The following PTPN13 variants were observed in gnomAD, a reference collection of about 807,000 sequenced individuals.
PTPN13 encodes protein tyrosine phosphatase non-receptor type 13.
PTPN13 carries 191 observed loss-of-function variants against 284.0 expected under a neutral mutation model. That is an observed-to-expected ratio of 0.67 (90% CI 0.60 to 0.76). PTPN13 has a LOEUF of 0.76. Among genes scored for constraint, PTPN13 ranks in the 30% least tolerant of loss-of-function variants. PTPN13 has a pLI of 0.00. For synonymous variants in PTPN13, 986 were observed against 1,022.3 expected (o/e 0.96, Z 0.68); for missense variants, 2,797 against 2,939.9 (o/e 0.95, Z 1.12).
At chr4:86,673,135 C>G (rs1392754920) in intron 3 of PTPN13, among the ~76,000 whole-genome samples, 12 of 152,190 alleles carry the variant, frequency 7.9e-5, no homozygotes, top group Admixed American at 5.9e-4. Context: ...CTACTGCTCA[C>G]TTCCTGCTGT....
At chr4:86,606,524 A>G (rs1764753846) in intron 1 of PTPN13, among the ~76,000 whole-genome samples, 1 of 151,890 alleles carries the variant, frequency 6.6e-6, no homozygotes, top group Non-Finnish European at 1.5e-5. Flanking sequence ...AATGAATGAA[A>G]TAATGAAAAT....
intron 3 of PTPN13, among the ~76,000 whole-genome samples, chr4:86,684,993 C>A (rs1191115453): frequency 6.6e-6 from 1 of 152,174 alleles, no homozygotes; most frequent in Non-Finnish European, 1.5e-5. Context: ...TTCCCATATG[C>A]TCTGCCATCT....
In PTPN13 at chr4:86,775,152, C is replaced by T. The variant is rs1196033203; in HGVS notation, c.5509-19C>T. On this transcript the variant is annotated intron_variant, in intron 33 of 47. Transcript: ENST00000411767. ...TCTAAAAATTGTGATCTTCACATGC[C>T]CCTTTCTTGTTTTTGTAGGTTAATG... 3.9e-6 allele frequency: 6 copies of T among 1,553,054 alleles called. No individual in the cohort carries two copies. The highest frequency in any genetic ancestry group is 8.7e-7 in the Non-Finnish European group (1 of 1,152,398).
At chr4:86,678,078 C>A (rs1728494142) in intron 3 of PTPN13, among the ~76,000 whole-genome samples, 1 of 152,104 alleles carries the variant, frequency 6.6e-6, no homozygotes, top group Admixed American at 6.5e-5. Context: ...AAATAAGTTG[C>A]CAGATATATT....
intron 42 of PTPN13, among the ~76,000 whole-genome samples, chr4:86,801,225 A>G (rs983465517): frequency 2.0e-5 from 3 of 152,258 alleles, no homozygotes; most frequent in Non-Finnish European, 4.4e-5. Flanking sequence ...ATTTGCATGG[A>G]GAAAACTATC....
chr4:86,680,203 G>A (rs1174673283), intron 3 of PTPN13, among the ~76,000 whole-genome samples: 2 of 152,046 alleles, frequency 1.3e-5, no homozygotes, highest in African/African-American at 2.4e-5. Context: ...AGTGGTAAAC[G>A]GGACAAAATC....
chr4:86,699,843 GGTTT>G (rs1175041166), intron 6 of PTPN13, among the ~76,000 whole-genome samples: 11 of 151,976 alleles, frequency 7.2e-5, no homozygotes, highest in South Asian at 4.2e-4. Context: ...TTCCAAATGT[GGTTT>G]GTTTAAGAAT....
Position 86,701,694 on chromosome 4 carries a change from A to G in PTPN13, c.1088A>G (p.Tyr363Cys), listed in dbSNP as rs1263536636. Reference sequence around the variant, plus strand: ...GGCCCTCAGAAAATGGATCCAATATATCACACTCGAGAATTGCCCACCTCC... The same window carrying G: ...GGCCCTCAGAAAATGGATCCAATATGTCACACTCGAGAATTGCCCACCTCC... Reference protein sequence around the residue: ...IFGPQKMDPIYHTRELPTSSA... With the variant: ...IFGPQKMDPICHTRELPTSSA... Residue 363 changes from tyrosine to cysteine, a missense_variant, in exon 7 of 48, where the codon TAT becomes TGT. By Grantham distance (194) the Tyr-to-Cys change is radical. Coordinates refer to ENST00000411767, the MANE Select transcript of PTPN13 (RefSeq NM_080683.3). 2 of 1,613,850 alleles carry G rather than the reference A, an allele frequency of 1.2e-6. No homozygotes were observed. The highest frequency in any genetic ancestry group is 2.7e-5 in the African/African-American group (2 of 74,934).
intron 1 of PTPN13, among the ~76,000 whole-genome samples, chr4:86,620,105 A>G (rs999050045): frequency 1.3e-5 from 2 of 152,234 alleles, no homozygotes; most frequent in Non-Finnish European, 2.9e-5. Flanking sequence ...TTAAATAAGG[A>G]CATTTGGGTA....
intron 2 of PTPN13, among the ~76,000 whole-genome samples, chr4:86,655,964 C>T (rs1256926356): frequency 6.6e-6 from 1 of 151,968 alleles, no homozygotes; most frequent in Non-Finnish European, 1.5e-5. Flanking sequence ...TTTCTCTAAA[C>T]TTCTCTTCTC....
intron 1 of PTPN13, among the ~76,000 whole-genome samples, chr4:86,622,368 A>G (rs1721347258): frequency 6.6e-6 from 1 of 152,228 alleles, no homozygotes; most frequent in Non-Finnish European, 1.5e-5. Flanking sequence ...ATACGAGCTT[A>G]TGGAGAGTCT....
chr4:86,642,622 T>G (rs1723943576), intron 2 of PTPN13, among the ~76,000 whole-genome samples: 1 of 151,592 alleles, frequency 6.6e-6, no homozygotes, highest in East Asian at 1.9e-4. Flanking sequence ...CCGGCTAATT[T>G]TTTTGTATTT....
chr4:86,725,719 C>T (rs1734171647), intron 10 of PTPN13, among the ~76,000 whole-genome samples: 1 of 149,406 alleles, frequency 6.7e-6, no homozygotes, highest in South Asian at 2.1e-4. Flanking sequence ...TGGATATTAG[C>T]CTTTTGTCAG....
intron 16 of PTPN13, among the ~76,000 whole-genome samples, 170 bp downstream of exon 16, chr4:86,741,986 A>G (rs1239711542): frequency 6.6e-6 from 1 of 152,116 alleles, no homozygotes; most frequent in African/African-American, 2.4e-5. Flanking sequence ...GATTTTATTT[A>G]TGTCTGGTTT....
At chr4:86,808,585 T>C (rs72874271) in intron 45 of PTPN13, among the ~76,000 whole-genome samples, 2,358 of 152,320 alleles carry the variant, frequency 0.015, 76 homozygotes, top group African/African-American at 0.054. Context: ...TTCAGTTCTA[T>C]TGGTGTCATG....
At chr4:86,749,532 T>A (rs1737154417) in intron 17 of PTPN13, among the ~76,000 whole-genome samples, 1 of 152,238 alleles carries the variant, frequency 6.6e-6, no homozygotes, top group East Asian at 1.9e-4. Flanking sequence ...AATCCTTTGC[T>A]CCTATTCTTC....
chr4:86,606,710 AT>A (rs1565129255), intron 1 of PTPN13, among the ~76,000 whole-genome samples: 5 of 151,964 alleles, frequency 3.3e-5, no homozygotes, highest in African/African-American at 4.8e-5. Context: ...TCAAGACTAG[AT>A]TTTTTTCTTA....
At chr4:86,776,475 G>A (rs1225590729) in intron 35 of PTPN13, among the ~76,000 whole-genome samples, 1 of 152,120 alleles carries the variant, frequency 6.6e-6, no homozygotes, top group African/African-American at 2.4e-5. Context: ...TACTATTTAA[G>A]CAAGTACTGT....
intron 44 of PTPN13, among the ~76,000 whole-genome samples, chr4:86,807,225 T>C (rs931002265): frequency 1.3e-5 from 2 of 152,186 alleles, no homozygotes; most frequent in Admixed American, 1.3e-4. Flanking sequence ...ACCAGTTGTT[T>C]TTCTTTGTTT....
Sources: allele counts gnomAD v4.1 joint callset (sites outside exome capture counted in the v4.1 genomes callset), GRCh38; gene constraint gnomAD v4.1.1; transcripts MANE v1.5; gene names NCBI Gene and HGNC (gene_info 2026-07-23, HGNC 2026-07-21).